Variants in C1orf87 observed in about 807,000 individuals in gnomAD.
The protein encoded by C1orf87 is chromosome 1 open reading frame 87.
In C1orf87, 58 loss-of-function variants were observed where a neutral mutation model predicts 60.5. The observed-to-expected ratio is 0.96, with a 90% CI of 0.78 to 1.19. The LOEUF (loss-of-function observed/expected upper bound fraction) is 1.19. C1orf87 is among the 50% of genes most tolerant of loss of function. C1orf87 has a pLI of 0.00. For synonymous variants in C1orf87, 236 were observed against 227.4 expected, an observed-to-expected ratio of 1.04 and a Z score of -0.34; for missense variants, 673 against 638.6, an observed-to-expected ratio of 1.05 and a Z score of -0.58.
intron 7 of C1orf87, among the ~76,000 whole-genome samples, chr1:60,028,057 G>A (rs904669209): frequency 6.6e-6 from 1 of 152,112 alleles, no homozygotes; most frequent in African/African-American, 2.4e-5. Flanking sequence ...GTATATATGG[G>A]TGAAAGAGGC....
chr1:60,009,144 A>G (rs1004574860), intron 9 of C1orf87, among the ~76,000 whole-genome samples: 3 of 152,158 alleles, frequency 2.0e-5, no homozygotes, highest in Non-Finnish European at 4.4e-5. Context: ...AGATGAAGTC[A>G]TTCTAGATTA....
chr1:59,993,202 C>T (rs151319984), intron 11 of C1orf87, among the ~76,000 whole-genome samples: 509 of 151,770 alleles, frequency 3.4e-3, no homozygotes, highest in Non-Finnish European at 5.1e-3. Context: ...GCCCAGGCAA[C>T]GGAGTGAGGC....
chr1:60,040,755 ATTT>A (rs34709077), intron 4 of C1orf87, among the ~76,000 whole-genome samples: 9 of 132,108 alleles, frequency 6.8e-5, no homozygotes, highest in East Asian at 2.2e-4. Flanking sequence ...ACTGTCTTTA[ATTT>A]TTTTTTTTTT....
intron 2 of C1orf87, among the ~76,000 whole-genome samples, chr1:60,064,555 A>G (rs941773894): frequency 7.9e-6 from 1 of 126,472 alleles, no homozygotes; most frequent in African/African-American, 3.0e-5. Flanking sequence ...TATATATTTT[A>G]TATATATAAA....
chr1:60,001,162 C>CAA lies in C1orf87; in HGVS notation c.1193-8_1193-7dup. 2 of 1,505,770 alleles carry CAA rather than the reference C, an allele frequency of 1.3e-6. No individual in the cohort carries two copies. Among genetic ancestry groups the CAA allele is most frequent in the Non-Finnish European group, 8.8e-7 (1 of 1,131,148 alleles). The allele number at this position is 1,505,770 out of a possible 1,614,324, so 93.3% of individuals were successfully genotyped here. A position where few individuals can be genotyped will look rare whatever the true frequency, so the allele number is the denominator to read the frequency against. On this transcript the variant is annotated splice_polypyrimidine_tract_variant and splice_region_variant and intron_variant, in intron 9 of 11. Transcript: ENST00000371201. ...GGCTTTCTTTTCATTCTTCCCTGAACAAGAATAAAAAAAAAAAAAGGAAGG... is the reference window on the plus strand; with the variant it reads ...GGCTTTCTTTTCATTCTTCCCTGAACAAAAGAATAAAAAAAAAAAAAGGAAGG...
At chr1:60,040,301 A>AG in intron 4 of C1orf87, 121 bp from the exon 5 acceptor site, 2 of 1,251,090 alleles carry the variant, frequency 1.6e-6, no homozygotes, top group Non-Finnish European at 2.2e-6. Context: ...CCTGGCCTGG[A>AG]GCAGGACAAG....
chr1:60,066,386 T>A (rs116605252), intron 2 of C1orf87, among the ~76,000 whole-genome samples: 1,963 of 152,300 alleles, frequency 0.013, 38 homozygotes, highest in African/African-American at 0.045. Flanking sequence ...AATTCAACAA[T>A]GTTCACAGCA....
At chr1:60,057,295 G>T (rs138954861) in intron 2 of C1orf87, among the ~76,000 whole-genome samples, 1 of 152,140 alleles carries the variant, frequency 6.6e-6, no homozygotes, top group East Asian at 1.9e-4. Context: ...TTGCAATGAG[G>T]TAATGTAGGT....
At chr1:60,042,738 T>C (rs1005365588) in intron 3 of C1orf87, among the ~76,000 whole-genome samples, 2 of 152,238 alleles carry the variant, frequency 1.3e-5, no homozygotes, top group Non-Finnish European at 2.9e-5. Flanking sequence ...AATAACTTTA[T>C]TCCTTCATTT....
At chr1:60,052,180 A>T (rs544350223) in intron 3 of C1orf87, among the ~76,000 whole-genome samples, 39 of 152,348 alleles carry the variant, frequency 2.6e-4, no homozygotes, top group African/African-American at 8.9e-4. Context: ...AAATTAAAGC[A>T]CTAACACTTT....
intron 8 of C1orf87, among the ~76,000 whole-genome samples, chr1:60,013,012 T>C (rs2100260258): frequency 6.6e-6 from 1 of 152,294 alleles, no homozygotes; most frequent in South Asian, 2.1e-4. Flanking sequence ...ATTAATTTTC[T>C]CTTTATTTGC....
At chr1:60,008,328 G>A (rs548229319) in intron 9 of C1orf87, among the ~76,000 whole-genome samples, 3 of 152,132 alleles carry the variant, frequency 2.0e-5, no homozygotes, top group African/African-American at 4.8e-5. Context: ...AATAAAATAA[G>A]TGTCCCAATA....
At chr1:60,002,391 G>A (rs1453739150) in intron 9 of C1orf87, among the ~76,000 whole-genome samples, 1 of 152,048 alleles carries the variant, frequency 6.6e-6, no homozygotes, top group Non-Finnish European at 1.5e-5. Flanking sequence ...AAAGTGTAAA[G>A]CAATTTTTTC....
intron 11 of C1orf87, among the ~76,000 whole-genome samples, chr1:59,992,019 T>C (rs1557451892): frequency 6.6e-6 from 1 of 152,060 alleles, no homozygotes; most frequent in Non-Finnish European, 1.5e-5. Context: ...ACAATAATAA[T>C]TAAACAATAT....
Position 60,059,539 on chromosome 1 carries a change from T to C in C1orf87, c.108-4101A>G, listed in dbSNP as rs562800372. 2.6e-5 allele frequency among the ~76,000 whole-genome samples: 4 copies of C among 152,032 alleles called. No homozygotes were observed. The South Asian group carries it at 8.3e-4, about 32-fold the overall frequency. On this transcript the variant is annotated intron_variant, in intron 2 of 11. Coordinates refer to ENST00000371201, the MANE Select transcript of C1orf87 (RefSeq NM_152377.3). ...AGTCACCCTCCATTAGAGCACAGAG[T>C]CTCAGGGTTAGAAAGAAACATTGCA...
At chr1:60,015,984 C>T (rs1290513163) in intron 8 of C1orf87, among the ~76,000 whole-genome samples, 2 of 152,172 alleles carry the variant, frequency 1.3e-5, no homozygotes, top group African/African-American at 4.8e-5. Flanking sequence ...CTCCTGACCT[C>T]AAGTGATCCT....
Position 60,041,025 on chromosome 1 carries a change from T to C in C1orf87, c.449A>G (p.Glu150Gly). Reference protein sequence around the residue: ...PRRKLRDWSLEQMVRGSSDQP... With the variant: ...PRRKLRDWSLGQMVRGSSDQP... ...GTCAGAGCTGCCTCTCACCATCTGT[T>C]CCAAGGACCAGTCTCTAAGCTTTCT... Residue 150 changes from glutamate to glycine, a missense_variant, in exon 4 of 12, where the codon GAA (glutamate) becomes GGA (glycine). Transcript: ENST00000371201. The C allele has an allele frequency of 2.5e-6, 4 of 1,613,440 alleles. No individual in the cohort carries two copies. The South Asian group carries it at 4.4e-5, about 18-fold the overall frequency.
At chr1:60,060,095 T>TTG (rs896667488) in intron 2 of C1orf87, among the ~76,000 whole-genome samples, 1 of 150,882 alleles carries the variant, frequency 6.6e-6, no homozygotes, top group Non-Finnish European at 1.5e-5. Flanking sequence ...TTTTTCTTTT[T>TTG]TTTTTTTTAT....
At chr1:59,996,953 G>A (rs1302158534) in intron 11 of C1orf87, among the ~76,000 whole-genome samples, 1 of 152,156 alleles carries the variant, frequency 6.6e-6, no homozygotes, top group African/African-American at 2.4e-5. Context: ...ATATGATGAT[G>A]GATGTTAAAG....
Sources: allele counts gnomAD v4.1 joint callset (sites outside exome capture counted in the v4.1 genomes callset), GRCh38; gene constraint gnomAD v4.1.1; transcripts MANE v1.5; gene names NCBI Gene and HGNC (gene_info 2026-07-23, HGNC 2026-07-21).